The following NECTIN1 variants were observed in gnomAD, a reference collection of about 807,000 sequenced individuals.
NECTIN1 encodes nectin cell adhesion molecule 1, also known as nectin-1.
NECTIN1 carries 23 observed loss-of-function variants against 48.0 expected under a neutral mutation model. The ratio of observed to expected loss-of-function variants is 0.48; its 90% CI spans 0.34 to 0.68. The LOEUF is 0.68. Among genes scored for constraint, NECTIN1 ranks in the 30% least tolerant of loss-of-function variants. NECTIN1 has a pLI of 0.01. For missense variants in NECTIN1, 591 were observed against 709.9 expected (o/e 0.83, Z 1.90); for synonymous variants, 270 against 288.9 (o/e 0.93, Z 0.66).
intron 5 of NECTIN1, among the ~76,000 whole-genome samples, chr11:119,671,903 G>A (rs1377366701): frequency 3.9e-5 from 6 of 152,226 alleles, no homozygotes; most frequent in Non-Finnish European, 5.9e-5. Flanking sequence ...ACGTTGCCAC[G>A]GCACAGCCAC....
chr11:119,704,825 G>A (rs897207389), intron 1 of NECTIN1, among the ~76,000 whole-genome samples: 7 of 152,210 alleles, frequency 4.6e-5, no homozygotes, highest in Non-Finnish European at 8.8e-5. Context: ...GACTGCGCAC[G>A]CCAGGGAGGG....
chr11:119,680,724 T>A (rs1189370025), intron 1 of NECTIN1, among the ~76,000 whole-genome samples: 3 of 152,198 alleles, frequency 2.0e-5, no homozygotes, highest in African/African-American at 7.2e-5. Context: ...TTCCCTGAGG[T>A]TCCCCCTTCT....
intron 5 of NECTIN1, among the ~76,000 whole-genome samples, chr11:119,651,049 A>T (rs1430789295): frequency 6.6e-6 from 1 of 152,120 alleles, no homozygotes; most frequent in Non-Finnish European, 1.5e-5. Context: ...AGGTAGTTAG[A>T]CCTCTTGCTT....
intron 1 of NECTIN1, among the ~76,000 whole-genome samples, chr11:119,720,919 C>T (rs988189500): frequency 1.3e-5 from 2 of 152,140 alleles, no homozygotes; most frequent in South Asian, 2.1e-4. Flanking sequence ...GCTGGCTCTC[C>T]GTAGTGGCTG....
chr11:119,650,876 T>G (rs922310797), intron 5 of NECTIN1, among the ~76,000 whole-genome samples: 23 of 152,222 alleles, frequency 1.5e-4, no homozygotes, highest in African/African-American at 5.3e-4. Flanking sequence ...TAGTCTTAGC[T>G]GTTTTTAAAA....
chr11:119,664,753 GTAC>G lies in NECTIN1; in HGVS notation c.1545_1547del (p.Trp515_Tyr516delinsCys). ...AGAGGCTCTGGAAGGGGGGCTACAC[GTAC>G]CACTCCTTCTTGGAAATGAAAGACC... is the stretch of plus-strand genomic sequence containing the variant. On this transcript the variant is annotated inframe_deletion, in exon 6 of 6. Coordinates refer to ENST00000264025, the MANE Select transcript of NECTIN1 (RefSeq NM_002855.5). 6.2e-7 allele frequency: 1 copy of G among 1,610,370 alleles called. No homozygotes were observed. Among genetic ancestry groups the G allele is most frequent in the Non-Finnish European group, 8.5e-7 (1 of 1,178,018 alleles).
rs1159531675 is a variant in NECTIN1 at position 119,727,829 on chromosome 11, A to G, written c.79+646T>C. ...GGAGAGCCCCCAGAGCTGGGAGCAG[A>G]GTTCCGAGGGGGAGCCCGGTCCCGC... On this transcript the variant is annotated intron_variant, in intron 1 of 5. Transcript: ENST00000264025. The surrounding 1 kb of genome is among the most constrained non-coding windows in gnomAD (Gnocchi z 4.1). Among the ~76,000 whole-genome samples, 1 of 152,174 alleles carries G rather than the reference A, an allele frequency of 6.6e-6. No homozygotes were observed. The highest frequency in any genetic ancestry group is 1.9e-4 in the East Asian group (1 of 5,182).
At chr11:119,657,112 T>G (rs987310979), downstream of NECTIN1, among the ~76,000 whole-genome samples, 1 of 152,138 alleles carries the variant, frequency 6.6e-6, no homozygotes, top group Non-Finnish European at 1.5e-5. Flanking sequence ...ACGATGATGA[T>G]GAATATGAAA....
At chr11:119,658,734 G>T (rs1421911224), downstream of NECTIN1, among the ~76,000 whole-genome samples, 1 of 152,150 alleles carries the variant, frequency 6.6e-6, no homozygotes, top group Non-Finnish European at 1.5e-5. Flanking sequence ...TCCCACTGGG[G>T]GTTCTTGCTA....
At chr11:119,660,365 C>T (rs202148609), downstream of NECTIN1, among the ~76,000 whole-genome samples, 241 of 152,024 alleles carry the variant, frequency 1.6e-3, 3 homozygotes, top group African/African-American at 5.1e-3. Flanking sequence ...AACAAGAAGA[C>T]CTTCTCTCCA....
chr11:119,672,646 G>A lies in NECTIN1; in HGVS notation c.1003+2513C>T, dbSNP rs183139922. 8.0e-4 allele frequency among the ~76,000 whole-genome samples: 122 copies of A among 152,256 alleles called. No homozygotes were observed. The highest frequency in any genetic ancestry group is 6.8e-3 in the Middle Eastern group (2 of 294). On this transcript the variant is annotated intron_variant, in intron 5 of 5. Coordinates refer to ENST00000264025, the MANE Select transcript of NECTIN1 (RefSeq NM_002855.5). This position sits in a 1 kb window ranked among gnomAD's most constrained non-coding sequence, Gnocchi z 4.3. ...ATGCTCAGTCTAACCCACACACCTCGCCACGGTGCTTCCTGGCTGAGAGCC... is the reference window on the plus strand; with the variant it reads ...ATGCTCAGTCTAACCCACACACCTCACCACGGTGCTTCCTGGCTGAGAGCC...
intron 5 of NECTIN1, among the ~76,000 whole-genome samples, chr11:119,653,270 G>A (rs1864517972): frequency 6.6e-6 from 1 of 152,198 alleles, no homozygotes; most frequent in Non-Finnish European, 1.5e-5. Context: ...CAGGATCCCG[G>A]CAAGTAAAAA....
At chr11:119,716,000 C>T (rs936575559) in intron 1 of NECTIN1, among the ~76,000 whole-genome samples, 5 of 152,212 alleles carry the variant, frequency 3.3e-5, no homozygotes, top group Admixed American at 3.3e-4. Context: ...TCTGCCTCTC[C>T]CACAACACAT....
At chr11:119,682,147 G>A (rs529419343) in intron 1 of NECTIN1, among the ~76,000 whole-genome samples, 45 of 152,270 alleles carry the variant, frequency 3.0e-4, no homozygotes, top group Admixed American at 1.1e-3. Flanking sequence ...TTGGGGAGAA[G>A]GACCCTCATT....
At chr11:119,669,485 A>G (rs1358560554) in intron 5 of NECTIN1, among the ~76,000 whole-genome samples, 2 of 151,638 alleles carry the variant, frequency 1.3e-5, no homozygotes, top group Non-Finnish European at 2.9e-5. Context: ...GATCCAAGAT[A>G]CTCTCATCTT....
intron 5 of NECTIN1, among the ~76,000 whole-genome samples, chr11:119,668,597 C>T (rs1864815192): frequency 6.6e-6 from 1 of 152,232 alleles, no homozygotes; most frequent in African/African-American, 2.4e-5. Context: ...TGCACTTCTC[C>T]AGCCCCTTCT....
intron 1 of NECTIN1, among the ~76,000 whole-genome samples, chr11:119,685,590 C>A (rs1200873084): frequency 6.6e-6 from 1 of 152,224 alleles, no homozygotes; most frequent in African/African-American, 2.4e-5. Flanking sequence ...GCTGAGGACA[C>A]CTGGATTCTG....
At chr11:119,686,590 C>T (rs950434263) in intron 1 of NECTIN1, among the ~76,000 whole-genome samples, 1 of 152,208 alleles carries the variant, frequency 6.6e-6, no homozygotes, top group Admixed American at 6.5e-5. Context: ...CTATCTTGGG[C>T]ATCCCCAACC....
rs1273657028 is a variant in NECTIN1 at position 119,677,478 on chromosome 11, G to A, written c.733+77C>T. 1.0e-5 allele frequency: 15 copies of A among 1,500,938 alleles called. No homozygotes were observed. Among genetic ancestry groups the A allele is most frequent in the Middle Eastern group, 2.3e-4 (1 of 4,438 alleles). The allele number at this position is 1,500,938 out of a possible 1,614,324, so 93.0% of individuals were successfully genotyped here. On this transcript the variant is annotated intron_variant, in intron 3 of 5. Transcript: ENST00000264025. The surrounding 1 kb of genome is among the most constrained non-coding windows in gnomAD (Gnocchi z 5.4). The stretch of plus-strand genomic sequence containing the variant: ...GAAAGCACCCCCAGAAAGAGAAAGG[G>A]AGGAGAAAGGAGAGGAGGAGGGAGG...
Sources: gnomAD v4.1 joint callset for allele counts (sites outside exome capture counted in the v4.1 genomes callset) on GRCh38, gnomAD v4.1.1 for gene constraint, Gnocchi (gnomAD v3.1) non-coding constraint, MANE v1.5 for transcripts, NCBI Gene and HGNC (gene_info 2026-07-23, HGNC 2026-07-21) for gene names.